BCAS3: variants seen among roughly 807,000 people sequenced by gnomAD.
The protein encoded by BCAS3 is BCAS3 microtubule associated cell migration factor.
BCAS3 carries 53 observed loss-of-function variants against 116.1 expected under a neutral mutation model. That is an observed-to-expected ratio of 0.46 (90% CI 0.37 to 0.57). BCAS3 has a LOEUF of 0.57. BCAS3 is among the 20% of genes least tolerant of loss of function. The pLI, the probability that BCAS3 is intolerant of heterozygous loss-of-function variation, is 0.00. For missense variants in BCAS3, 917 were observed against 1,165.4 expected (o/e 0.79, Z 3.10); for synonymous variants, 391 against 408.2 (o/e 0.96, Z 0.51).
At chr17:61,382,076 C>T (rs961706999) in intron 23 of BCAS3, among the ~76,000 whole-genome samples, 31 of 151,860 alleles carry the variant, frequency 2.0e-4, no homozygotes, top group African/African-American at 7.0e-4. Flanking sequence ...GCTTATAATC[C>T]CAGGACTTTG....
At chr17:60,766,036 C>G (rs2044060643) in intron 6 of BCAS3, among the ~76,000 whole-genome samples, 1 of 152,188 alleles carries the variant, frequency 6.6e-6, no homozygotes, top group Admixed American at 6.5e-5. Context: ...TCAGCTCCAT[C>G]AGGTCATTTA....
intron 13 of BCAS3, among the ~76,000 whole-genome samples, chr17:60,941,557 A>G (rs1302258232): frequency 2.6e-5 from 4 of 152,124 alleles, no homozygotes; most frequent in Admixed American, 2.0e-4. Context: ...AATTTTTTAT[A>G]TTATTTTTAA....
At chr17:61,190,417 C>T (rs562479971) in intron 22 of BCAS3, among the ~76,000 whole-genome samples, 1 of 145,946 alleles carries the variant, frequency 6.9e-6, no homozygotes, top group South Asian at 2.3e-4. Flanking sequence ...ATCCCAGCTA[C>T]TGTGGATGCT....
At chr17:61,086,344 C>T (rs1026488907) in intron 22 of BCAS3, among the ~76,000 whole-genome samples, 5 of 152,216 alleles carry the variant, frequency 3.3e-5, no homozygotes, top group African/African-American at 1.2e-4. Flanking sequence ...CCACCTGCCT[C>T]AGCCTCCCAA....
chr17:61,219,912 G>A lies in BCAS3; in HGVS notation c.2425+135348G>A, dbSNP rs2082012398. Among the ~76,000 whole-genome samples, 1 of 152,158 alleles carries A rather than the reference G, an allele frequency of 6.6e-6. No homozygotes were observed. Among genetic ancestry groups the A allele is most frequent in the South Asian group, 2.1e-4 (1 of 4,832 alleles). On this transcript the variant is annotated intron_variant, in intron 22 of 23. Coordinates refer to ENST00000407086, the MANE Select transcript of BCAS3 (RefSeq NM_017679.5). The surrounding 1 kb of genome is among the most constrained non-coding windows in gnomAD (Gnocchi z 5.2). ...GGAAAAACAAGGCAGGTTATGGGGG[G>A]AGAGGAGTAGGGCAAGAAAGAGGGT...
chr17:60,881,474 T>A (rs958460714), intron 9 of BCAS3, among the ~76,000 whole-genome samples: 1 of 151,930 alleles, frequency 6.6e-6, no homozygotes, highest in Admixed American at 6.6e-5. Context: ...AGTTTTAGGG[T>A]ACATGTGCAC....
In BCAS3 at chr17:61,323,643, C is replaced by T. The variant is rs555178055; in HGVS notation, c.2426-44684C>T. On this transcript the variant is annotated intron_variant, in intron 22 of 23. Transcript: ENST00000407086. This position sits in a 1 kb window ranked among gnomAD's most constrained non-coding sequence, Gnocchi z 4.6. The stretch of plus-strand genomic sequence containing the variant: ...GTGAATTTGGGGAGAAATTGGTGAC[C>T]AAGGGTCTCCAGTTCCTTCCTCCAT... Among the ~76,000 whole-genome samples, 15 of 152,228 alleles carry T rather than the reference C, an allele frequency of 9.9e-5. No homozygotes were observed. In the South Asian group the frequency reaches 2.9e-3, roughly 29 times the overall value.
Position 61,258,519 on chromosome 17 carries a change from A to G in BCAS3, c.2426-109808A>G, listed in dbSNP as rs1409808170. On this transcript the variant is annotated intron_variant, in intron 22 of 23. Coordinates refer to ENST00000407086, the MANE Select transcript of BCAS3 (RefSeq NM_017679.5). This position sits in a 1 kb window ranked among gnomAD's most constrained non-coding sequence, Gnocchi z 4.7. ...GCCTCTGTAAAATGTGAATAATCAT[A>G]CCTACTTCATGGTATCGTTGTGTGG... is the stretch of plus-strand genomic sequence containing the variant. 7.9e-5 allele frequency among the ~76,000 whole-genome samples: 12 copies of G among 152,252 alleles called. No individual in the cohort carries two copies. Among genetic ancestry groups the G allele is most frequent in the Non-Finnish European group, 1.3e-4 (9 of 68,056 alleles).
At chr17:61,079,076 T>C (rs2072301630) in intron 21 of BCAS3, among the ~76,000 whole-genome samples, 1 of 152,214 alleles carries the variant, frequency 6.6e-6, no homozygotes, top group Admixed American at 6.5e-5. Context: ...ATTAGCTTTT[T>C]TTTTTAATTG....
intron 22 of BCAS3, among the ~76,000 whole-genome samples, chr17:61,341,032 G>A (rs2143232649): frequency 6.6e-6 from 1 of 152,342 alleles, no homozygotes; most frequent in Admixed American, 6.5e-5. Flanking sequence ...TGAGAGGCCA[G>A]GTTGCTGACA....
chr17:61,185,941 C>T (rs2079745231), intron 22 of BCAS3, among the ~76,000 whole-genome samples: 1 of 152,074 alleles, frequency 6.6e-6, no homozygotes, highest in African/African-American at 2.4e-5. Context: ...AAAATACTGA[C>T]TAAGAAAATA....
At chr17:60,833,125 C>T (rs1381952096) in intron 7 of BCAS3, among the ~76,000 whole-genome samples, 1 of 152,124 alleles carries the variant, frequency 6.6e-6, no homozygotes, top group Non-Finnish European at 1.5e-5. Flanking sequence ...CCTCAGACTG[C>T]CAAACAGCTG....
chr17:60,767,756 G>T (rs2044264204), intron 6 of BCAS3, among the ~76,000 whole-genome samples: 1 of 151,966 alleles, frequency 6.6e-6, no homozygotes, highest in Non-Finnish European at 1.5e-5. Flanking sequence ...TGATATCTGT[G>T]CATCTGGTTA....
intron 3 of BCAS3, among the ~76,000 whole-genome samples, chr17:60,687,495 T>G (rs1255308950): frequency 6.6e-6 from 1 of 152,048 alleles, no homozygotes; most frequent in Non-Finnish European, 1.5e-5. Flanking sequence ...TCCCAGCTAT[T>G]TGGGAGGCTG....
At position 61,352,934 on chromosome 17, in the gene BCAS3, C is replaced by T. The variant is rs1407093333; in HGVS notation, c.2426-15393C>T. ...CTTGTTTGCTTTAATGGAGTGTTAA[C>T]CCCCGTCGCTGGAACTCATGTTAAT... On this transcript the variant is annotated intron_variant, in intron 22 of 23. Coordinates refer to ENST00000407086, the MANE Select transcript of BCAS3 (RefSeq NM_017679.5). The surrounding 1 kb of genome is among the most constrained non-coding windows in gnomAD (Gnocchi z 4.7). 2.0e-5 allele frequency among the ~76,000 whole-genome samples: 3 copies of T among 152,188 alleles called. No homozygotes were observed. Among genetic ancestry groups the T allele is most frequent in the Non-Finnish European group, 4.4e-5 (3 of 68,038 alleles).
In BCAS3 at chr17:61,017,726, A is replaced by G. The variant is rs2065556935; in HGVS notation, c.1637+1825A>G. ...AATTTAATTCATAATATTTATGGTG[A>G]GGGGTAGGAAGTGAGTCTGCTTTTT... is the stretch of plus-strand genomic sequence containing the variant. On this transcript the variant is annotated intron_variant, in intron 16 of 23. Coordinates refer to ENST00000407086, the MANE Select transcript of BCAS3 (RefSeq NM_017679.5). The surrounding 1 kb of genome is among the most constrained non-coding windows in gnomAD (Gnocchi z 4.7). Among the ~76,000 whole-genome samples, 1 of 152,166 alleles carries G rather than the reference A, an allele frequency of 6.6e-6. No homozygotes were observed. The highest frequency in any genetic ancestry group is 2.1e-4 in the South Asian group (1 of 4,836).
At chr17:60,905,505 C>T (rs547998179) in intron 11 of BCAS3, among the ~76,000 whole-genome samples, 1 of 152,180 alleles carries the variant, frequency 6.6e-6, no homozygotes, top group Admixed American at 6.5e-5. Flanking sequence ...ACACAGTAAA[C>T]CTGGTCATAC....
chr17:60,949,554 G>T (rs573972234), intron 14 of BCAS3, among the ~76,000 whole-genome samples: 33 of 152,166 alleles, frequency 2.2e-4, no homozygotes, highest in African/African-American at 8.0e-4. Context: ...GGAATTGCAG[G>T]TGTGAGTCAC....
intron 14 of BCAS3, among the ~76,000 whole-genome samples, chr17:60,985,631 T>C (rs2063093615): frequency 1.3e-5 from 2 of 152,142 alleles, no homozygotes; most frequent in Non-Finnish European, 2.9e-5. Flanking sequence ...CTTTCTATTT[T>C]TCGTACCCAT....
Sources: allele counts gnomAD v4.1 joint callset (sites outside exome capture counted in the v4.1 genomes callset), GRCh38; gene constraint gnomAD v4.1.1; non-coding constraint Gnocchi (gnomAD v3.1); transcripts MANE v1.5; gene names NCBI Gene and HGNC (gene_info 2026-07-23, HGNC 2026-07-21).